Variants in BBX observed in about 807,000 individuals in gnomAD.
BBX encodes BBX high mobility group box domain containing, also known as HMG box transcription factor BBX.
A neutral mutation model predicts 100.2 loss-of-function variants in BBX; 30 were observed. The ratio of observed to expected loss-of-function variants is 0.30; its 90% CI spans 0.22 to 0.41. The LOEUF is 0.41. BBX is among the 10% of genes least tolerant of loss of function. The probability of loss-of-function intolerance (pLI) is 1.00; values close to 1 mark genes in which losing one functional copy is unlikely to be tolerated. For missense variants in BBX, 1,023 were observed against 1,129.8 expected (o/e 0.91, Z 1.35); for synonymous variants, 376 against 388.1 (o/e 0.97, Z 0.37).
chr3:107,810,903 A>T lies in BBX; in HGVS notation c.*5446A>T, dbSNP rs1037014552. 5.4e-5 allele frequency: 8 copies of T among 147,286 alleles called. No homozygotes were observed. Among genetic ancestry groups the T allele is most frequent in the Non-Finnish European group, 9.0e-5 (6 of 66,886 alleles). 9.1% of individuals were successfully genotyped at this position (147,286 alleles called of 1,614,324 possible). On this transcript the variant is annotated 3_prime_UTR_variant, in exon 18 of 18. Coordinates refer to ENST00000325805, the MANE Select transcript of BBX (RefSeq NM_001142568.3). ...TCTGTTGACAGTTTCAGCATGACTG[A>T]ATCGCTCATTTTTTTTTTTTGCTTT...
At chr3:107,671,057 C>T (rs329921) in intron 3 of BBX, among the ~76,000 whole-genome samples, 72,061 of 151,354 alleles carry the variant, frequency 0.48, 18,574 homozygotes, top group East Asian at 0.93. Flanking sequence ...ATGGATCCTT[C>T]CTGTTGAGCA....
chr3:107,598,346 C>T (rs955566153), intron 2 of BBX, among the ~76,000 whole-genome samples: 5 of 152,134 alleles, frequency 3.3e-5, no homozygotes, highest in Non-Finnish European at 7.4e-5. Context: ...CTTTGCAATC[C>T]TAATTCTCTG....
chr3:107,641,123 C>T (rs1392742350), intron 2 of BBX, among the ~76,000 whole-genome samples: 2 of 138,856 alleles, frequency 1.4e-5, no homozygotes, highest in African/African-American at 5.5e-5. Context: ...CTCACTCTGT[C>T]GCCCAGGCTA....
intron 2 of BBX, among the ~76,000 whole-genome samples, chr3:107,581,857 T>TA (rs1360486013): frequency 6.6e-6 from 1 of 152,220 alleles, no homozygotes; most frequent in African/African-American, 2.4e-5. Flanking sequence ...AGAATTATGT[T>TA]ATTATCATTA....
chr3:107,680,096 A>C (rs545787577), intron 3 of BBX, among the ~76,000 whole-genome samples: 3 of 152,272 alleles, frequency 2.0e-5, no homozygotes, highest in Non-Finnish European at 4.4e-5. Flanking sequence ...CATAAGTGTT[A>C]CTGTGGCCAG....
intron 6 of BBX, 27 bp from the exon 7 acceptor site, chr3:107,732,929 T>C (rs1036848250): frequency 2.5e-6 from 4 of 1,587,370 alleles, no homozygotes; most frequent in Admixed American, 1.7e-5. Context: ...TGCTTATAAG[T>C]TGGTGATTTG....
chr3:107,683,155 A>T (rs556750384), intron 3 of BBX, among the ~76,000 whole-genome samples: 1 of 152,116 alleles, frequency 6.6e-6, no homozygotes, highest in South Asian at 2.1e-4. Flanking sequence ...AATTAGAATT[A>T]TGGTACATAA....
chr3:107,699,810 A>G (rs373355564), intron 3 of BBX, among the ~76,000 whole-genome samples: 5 of 152,094 alleles, frequency 3.3e-5, no homozygotes, highest in African/African-American at 9.7e-5. Flanking sequence ...GGCCTGGCCC[A>G]GACAAGATAT....
intron 7 of BBX, among the ~76,000 whole-genome samples, chr3:107,741,058 G>A (rs1041965718): frequency 6.6e-6 from 1 of 151,150 alleles, no homozygotes; most frequent in Admixed American, 6.6e-5. Context: ...TGTTGAATGA[G>A]TGAGTAATCA....
intron 15 of BBX, among the ~76,000 whole-genome samples, chr3:107,796,136 G>T (rs11710637): frequency 6.6e-6 from 1 of 152,034 alleles, no homozygotes; most frequent in African/African-American, 2.4e-5. Flanking sequence ...GCCCATGGTT[G>T]GTTGGACTGC....
intron 13 of BBX, among the ~76,000 whole-genome samples, chr3:107,788,365 C>T (rs2068648126): frequency 6.6e-6 from 1 of 152,156 alleles, no homozygotes; most frequent in Admixed American, 6.5e-5. Flanking sequence ...TGGTCAGAAG[C>T]TACAGGAACA....
At chr3:107,710,719 C>T (rs2061663448) in intron 4 of BBX, 97 bp downstream of exon 4, 3 of 1,178,454 alleles carry the variant, frequency 2.5e-6, no homozygotes, top group African/African-American at 1.6e-5. Flanking sequence ...AAAGTGTTTC[C>T]AAAAGCCTGT....
Position 107,750,613 on chromosome 3 carries a change from C to A in BBX, c.825+2574C>A, listed in dbSNP as rs531921395. Among the ~76,000 whole-genome samples the A allele has an allele frequency of 1.2e-4, 18 of 152,334 alleles. No individual in the cohort carries two copies. In the South Asian group the frequency reaches 3.5e-3, roughly 30 times the overall value. Reference sequence around the variant, plus strand: ...TAACCTCTCTCGTCACTTTCCTCCTCTGACCCAGCAGTACCCTAACTTTCA... The same window carrying A: ...TAACCTCTCTCGTCACTTTCCTCCTATGACCCAGCAGTACCCTAACTTTCA... On this transcript the variant is annotated intron_variant, in intron 9 of 17. Coordinates refer to ENST00000325805, the MANE Select transcript of BBX (RefSeq NM_001142568.3).
chr3:107,581,268 C>G (rs1340030335), intron 2 of BBX, among the ~76,000 whole-genome samples: 2 of 151,948 alleles, frequency 1.3e-5, no homozygotes, highest in African/African-American at 2.4e-5. Context: ...TATTATTACA[C>G]ACTTGTTGGC....
intron 2 of BBX, among the ~76,000 whole-genome samples, chr3:107,537,999 T>G (rs986601863): frequency 1.3e-5 from 2 of 152,236 alleles, no homozygotes; most frequent in African/African-American, 4.8e-5. Context: ...GAATAGTAAC[T>G]GTGAGTCTTT....
In BBX at chr3:107,630,535, A is replaced by G. The variant is rs1013147420; in HGVS notation, c.-83-15301A>G. 4.6e-5 allele frequency among the ~76,000 whole-genome samples: 7 copies of G among 152,292 alleles called. No homozygotes were observed. In the South Asian group the frequency reaches 6.2e-4, roughly 14 times the overall value. On this transcript the variant is annotated intron_variant, in intron 2 of 17. Coordinates refer to ENST00000325805, the MANE Select transcript of BBX (RefSeq NM_001142568.3). ...TTTCAGATAGAATTTGCCCCGACCC[A>G]GTGAGTTTGCCATTTCTGTTGCCTG...
intron 3 of BBX, among the ~76,000 whole-genome samples, chr3:107,695,438 T>A (rs2060517123): frequency 7.2e-6 from 1 of 138,282 alleles, no homozygotes; most frequent in Non-Finnish European, 1.5e-5. Context: ...TATTTCTGCC[T>A]TCATTTCGTT....
At chr3:107,747,245 G>A (rs2064697432) in intron 8 of BBX, among the ~76,000 whole-genome samples, 2 of 152,150 alleles carry the variant, frequency 1.3e-5, no homozygotes, top group South Asian at 2.1e-4. Flanking sequence ...GTGTGTGTGT[G>A]TGTGTTTGTG....
chr3:107,609,519 G>A (rs533253447), intron 2 of BBX, among the ~76,000 whole-genome samples: 1 of 152,084 alleles, frequency 6.6e-6, no homozygotes, highest in African/African-American at 2.4e-5. Context: ...GCTTTTCTTT[G>A]CTAGAAGACT....
Sources: allele counts gnomAD v4.1 joint callset (sites outside exome capture counted in the v4.1 genomes callset), GRCh38; gene constraint gnomAD v4.1.1; transcripts MANE v1.5; gene names NCBI Gene and HGNC (gene_info 2026-07-23, HGNC 2026-07-21).